Variants in DNAAF11 observed in about 807,000 individuals in gnomAD.
The protein encoded by DNAAF11 is leucine rich repeat containing 6.
In DNAAF11, 45 loss-of-function variants were observed where a neutral mutation model predicts 60.8. The observed-to-expected ratio is 0.74, with a 90% CI of 0.58 to 0.95. The LOEUF (loss-of-function observed/expected upper bound fraction) is 0.95. Ranked by LOEUF, DNAAF11 falls within the 40% of genes least tolerant of loss-of-function variation. The probability of loss-of-function intolerance (pLI) is 0.00; values close to 1 mark genes in which losing one functional copy is unlikely to be tolerated. For synonymous variants in DNAAF11, 191 were observed against 183.5 expected (o/e 1.04, Z -0.33); for missense variants, 546 against 546.2 (o/e 1.00, Z 0.00).
intron 1 of DNAAF11, 154 bp downstream of exon 1, chr8:132,675,330 G>A: frequency 1.4e-6 from 1 of 721,872 alleles, no homozygotes; most frequent in South Asian, 2.1e-5. Flanking sequence ...GGTGCAGCCG[G>A]GGCTGCGGTG....
chr8:132,656,986 TAAAG>T, intron 2 of DNAAF11, 79 bp from the exon 3 acceptor site: 1 of 539,034 alleles, frequency 1.9e-6, no homozygotes, highest in East Asian at 3.6e-5. Flanking sequence ...ACTAAAATAA[TAAAG>T]AAAATCTAAA....
Position 132,650,096 on chromosome 8 carries a change from C to T in DNAAF11, c.256+6734G>A, listed in dbSNP as rs573255765. Reference sequence around the variant, plus strand: ...ATATTTATTGCAGCACTATTCACAACAGCAAAGACTTGGAACCAACCCAAA... The same window carrying T: ...ATATTTATTGCAGCACTATTCACAATAGCAAAGACTTGGAACCAACCCAAA... On this transcript the variant is annotated intron_variant, in intron 3 of 11. Coordinates refer to ENST00000620350, the MANE Select transcript of DNAAF11 (RefSeq NM_012472.6). 5.5e-4 allele frequency among the ~76,000 whole-genome samples: 83 copies of T among 152,230 alleles called. 1 individual carries two copies. The highest frequency in any genetic ancestry group is 1.0e-3 in the Non-Finnish European group (68 of 68,010).
intron 9 of DNAAF11, 95 bp from the exon 10 acceptor site, chr8:132,610,356 C>T (rs1818537527): frequency 1.3e-6 from 1 of 753,782 alleles, no homozygotes; most frequent in Non-Finnish European, 2.3e-6. Context: ...TCAAGATACA[C>T]CATTCAATTA....
chr8:132,587,010 T>TA (rs1181921272), intron 10 of DNAAF11, among the ~76,000 whole-genome samples: 1 of 151,868 alleles, frequency 6.6e-6, no homozygotes, highest in Non-Finnish European at 1.5e-5. Flanking sequence ...AATATCAGCT[T>TA]AAAAAAAAGA....
chr8:132,689,236 A>G, the DNAAF11 span, among the ~76,000 whole-genome samples: 2 of 152,188 alleles, frequency 1.3e-5, no homozygotes, highest in Non-Finnish European at 2.9e-5. Flanking sequence ...AGCTGGTTGG[A>G]CATTAGAGTA....
chr8:132,665,950 T>C (rs932443329), intron 1 of DNAAF11, among the ~76,000 whole-genome samples: 1 of 152,196 alleles, frequency 6.6e-6, no homozygotes, highest in Non-Finnish European at 1.5e-5. Flanking sequence ...TGCAGTAACA[T>C]GGATGCAGCT....
intron 7 of DNAAF11, among the ~76,000 whole-genome samples, chr8:132,617,800 T>A (rs1052801953): frequency 6.6e-6 from 1 of 151,132 alleles, no homozygotes; most frequent in Non-Finnish European, 1.5e-5. Flanking sequence ...TAAAAGAGGA[T>A]ACAAACAAAT....
intron 10 of DNAAF11, among the ~76,000 whole-genome samples, chr8:132,602,886 C>G (rs894362375): frequency 6.6e-6 from 1 of 151,848 alleles, no homozygotes; most frequent in African/African-American, 2.4e-5. Context: ...GTTACTTATC[C>G]AAGACAACCT....
chr8:132,660,493 C>T (rs979847863), intron 2 of DNAAF11, among the ~76,000 whole-genome samples: 1 of 152,190 alleles, frequency 6.6e-6, no homozygotes, highest in Admixed American at 6.5e-5. Context: ...CCAGGTTTAC[C>T]TGATGCCAGA....
intron 10 of DNAAF11, among the ~76,000 whole-genome samples, chr8:132,588,218 A>G (rs1816103786): frequency 6.6e-6 from 1 of 152,252 alleles, no homozygotes; most frequent in African/African-American, 2.4e-5. Flanking sequence ...ACTCCATTTC[A>G]GATGAAAACA....
intron 5 of DNAAF11, among the ~76,000 whole-genome samples, chr8:132,626,785 T>C (rs552110863): frequency 9.9e-5 from 15 of 152,248 alleles, no homozygotes; most frequent in South Asian, 6.2e-4. Context: ...CTACAGCAAA[T>C]AGTAGGTACT....
At chr8:132,625,076 G>A (rs1439791335) in intron 6 of DNAAF11, among the ~76,000 whole-genome samples, 196 bp downstream of exon 6, 1 of 152,116 alleles carries the variant, frequency 6.6e-6, no homozygotes, top group Non-Finnish European at 1.5e-5. Flanking sequence ...CATAATTCAT[G>A]ATGTTCTAAA....
intron 2 of DNAAF11, among the ~76,000 whole-genome samples, chr8:132,657,329 T>C (rs1449942823): frequency 6.6e-6 from 1 of 152,208 alleles, no homozygotes; most frequent in Non-Finnish European, 1.5e-5. Context: ...AGGATCTATA[T>C]TCCATGCTTG....
intron 11 of DNAAF11, among the ~76,000 whole-genome samples, chr8:132,576,988 A>G (rs1390449760): frequency 2.0e-5 from 3 of 152,184 alleles, no homozygotes; most frequent in African/African-American, 4.8e-5. Context: ...TAACTTTTTA[A>G]GCCTTTTTAT....
At position 132,632,793 on chromosome 8, in the gene DNAAF11, CTT is replaced by C. The variant is rs397515424; in HGVS notation, c.598_599del (p.Lys200GlufsTer3). 1.5e-5 allele frequency: 24 copies of C among 1,613,846 alleles called. No homozygotes were observed. The highest frequency in any genetic ancestry group is 4.0e-5 in the African/African-American group (3 of 74,904). Reference protein sequence around the residue: ...KHQEEDKNEDKRSNAGFDGRW... With the variant: ...KHQEEDKNEDXRSNAGFDGRW... ...GTCCATCAAAGCCTGCGTTACTTCT[CTT>C]GTCTTCATTTTTATCCTCTTCTTGG... is the stretch of plus-strand genomic sequence containing the variant. On this transcript the variant is annotated frameshift_variant, in exon 5 of 12. Transcript: ENST00000620350. LOFTEE classifies it high-confidence loss of function.
chr8:132,641,367 C>T (rs1821837478), intron 3 of DNAAF11, among the ~76,000 whole-genome samples: 2 of 152,100 alleles, frequency 1.3e-5, no homozygotes, highest in African/African-American at 4.8e-5. Context: ...ACTTGATGTT[C>T]TTCTTTTTTT....
chr8:132,693,318 T>C, the DNAAF11 span, among the ~76,000 whole-genome samples: 1 of 152,248 alleles, frequency 6.6e-6, no homozygotes, highest in African/African-American at 2.4e-5. Flanking sequence ...TCTTTCCATA[T>C]GGACAGATGC....
At chr8:132,620,601 C>T (rs562495187) in intron 7 of DNAAF11, among the ~76,000 whole-genome samples, 1 of 152,294 alleles carries the variant, frequency 6.6e-6, no homozygotes, top group South Asian at 2.1e-4. Flanking sequence ...TCCCAAAGTG[C>T]TGGGATTATA....
chr8:132,604,190 C>T (rs532858006), intron 10 of DNAAF11, among the ~76,000 whole-genome samples: 1 of 152,240 alleles, frequency 6.6e-6, no homozygotes, highest in East Asian at 1.9e-4. Flanking sequence ...ACACTATAGA[C>T]CCACTTGACA....
Sources: gnomAD v4.1 joint callset for allele counts (sites outside exome capture counted in the v4.1 genomes callset) on GRCh38, gnomAD v4.1.1 for gene constraint, MANE v1.5 for transcripts, NCBI Gene and HGNC (gene_info 2026-07-23, HGNC 2026-07-21) for gene names.